SMC4: variants seen among roughly 807,000 people sequenced by gnomAD.
SMC4 encodes the protein structural maintenance of chromosomes protein 4.
In SMC4, 87 loss-of-function variants were observed where a neutral mutation model predicts 145.6. That is an observed-to-expected ratio of 0.60 (90% CI 0.50 to 0.71). The LOEUF is 0.71. SMC4 is among the 30% of genes least tolerant of loss of function. The pLI is 0.00. For missense variants in SMC4, 1,447 were observed against 1,537.1 expected, an observed-to-expected ratio of 0.94 and a Z score of 0.98; for synonymous variants, 558 against 500.7, an observed-to-expected ratio of 1.11 and a Z score of -1.53.
In SMC4 at chr3:160,431,696, G is replaced by A. The variant is rs112161671; in HGVS notation, c.3168G>A (p.Ser1056=). The A allele has an allele frequency of 8.7e-6, 14 of 1,610,912 alleles. No homozygotes were observed. The African/African-American group carries it at 1.1e-4, about 12-fold the overall frequency. Residue 1056 remains serine (S), a synonymous_variant, in exon 21 of 24, where the codon TCG becomes TCA. Transcript: ENST00000357388. ...PIEDNPIEEI[S]VLSPEDLEAI... Reference sequence around the variant, plus strand: ...AAGATAATCCTATTGAAGAGATTTCGGTTCTAAGCCCAGAGGATCTTGAAG... The same window carrying A: ...AAGATAATCCTATTGAAGAGATTTCAGTTCTAAGCCCAGAGGATCTTGAAG...
chr3:160,408,498 T>G (rs1472281638), intron 5 of SMC4, among the ~76,000 whole-genome samples: 1 of 152,240 alleles, frequency 6.6e-6, no homozygotes, highest in Non-Finnish European at 1.5e-5. Flanking sequence ...TGGGAACATA[T>G]GAAACTTTGT....
intron 18 of SMC4, 78 bp downstream of exon 18, chr3:160,429,020 C>A: frequency 1.7e-6 from 2 of 1,194,826 alleles, no homozygotes; most frequent in Non-Finnish European, 2.3e-6. Context: ...ATGTAATGTT[C>A]CATAAAATGT....
intron 4 of SMC4, chr3:160,403,922 C>T (rs1715008108): frequency 6.2e-6 from 1 of 161,176 alleles, no homozygotes; most frequent in African/African-American, 2.4e-5. Flanking sequence ...CACCCGGTTA[C>T]TACCTTCCTT....
At chr3:160,415,166 G>GT (rs1277532926) in intron 9 of SMC4, among the ~76,000 whole-genome samples, 1 of 152,176 alleles carries the variant, frequency 6.6e-6, no homozygotes, top group East Asian at 1.9e-4. Context: ...GATGCCAGGA[G>GT]TTTAAGACCA....
In SMC4 at chr3:160,433,133, CTCCCCTT is replaced by C; in HGVS notation, c.3640_3646del (p.Pro1214ThrfsTer32). The C allele has an allele frequency of 6.2e-7, 1 of 1,613,644 alleles. No individual in the cohort carries two copies. Among genetic ancestry groups the C allele is most frequent in the Non-Finnish European group, 8.5e-7 (1 of 1,179,628 alleles). ...TTTGCTCTTCACCACTACAAGCCCA[CTCCCCTT>C]TACTTCATGGATGAGATTGATGCAG... On this transcript the variant is annotated frameshift_variant, in exon 23 of 24. Transcript: ENST00000357388. LOFTEE classifies it high-confidence loss of function.
intron 23 of SMC4, 33 bp from the exon 24 acceptor site, chr3:160,433,624 C>T: frequency 7.3e-7 from 1 of 1,372,472 alleles, no homozygotes; most frequent in Non-Finnish European, 1.0e-6. Context: ...CCTGTTATTA[C>T]TTAATGTTTG....
intron 9 of SMC4, among the ~76,000 whole-genome samples, chr3:160,414,766 C>T (rs775659605): frequency 1.3e-5 from 2 of 152,018 alleles, no homozygotes; most frequent in Admixed American, 1.3e-4. Context: ...TCCAGGCTAG[C>T]GTGCAGTGGT....
rs182117674 is a variant in SMC4, at chr3:160,402,403, C to T, written c.319-273C>T. On this transcript the variant is annotated intron_variant, in intron 3 of 23. Coordinates refer to ENST00000357388, the MANE Select transcript of SMC4 (RefSeq NM_001002800.3). ...TTGGATAATTTTTTTTTCTTAAAGC[C>T]TTCTATGGAACCCTTAGATAATTTA... Among the ~76,000 whole-genome samples the T allele has an allele frequency of 1.3e-3, 200 of 151,968 alleles. 1 individual carries two copies. The highest frequency in any genetic ancestry group is 4.6e-3 in the African/African-American group (192 of 41,442).
chr3:160,399,844 G>C (rs969770148), intron 1 of SMC4, 95 bp downstream of exon 1: 6 of 152,260 alleles, frequency 3.9e-5, no homozygotes, highest in Admixed American at 3.9e-4. Flanking sequence ...CCCGAGCGGC[G>C]AAGTCCGGGC....
At chr3:160,404,579 C>T (rs768693210) in intron 5 of SMC4, 75 bp downstream of exon 5, 1 of 1,451,394 alleles carries the variant, frequency 6.9e-7, no homozygotes, top group Non-Finnish European at 9.7e-7. Flanking sequence ...TTGGATGAAT[C>T]CTACATTTTT....
intron 13 of SMC4, among the ~76,000 whole-genome samples, chr3:160,421,181 G>A (rs941597980): frequency 5.9e-5 from 9 of 151,694 alleles, no homozygotes; most frequent in Non-Finnish European, 1.3e-4. Flanking sequence ...CGCCCACCTC[G>A]GCCTCCCAGA....
intron 4 of SMC4, 152 bp downstream of exon 4, chr3:160,403,019 G>A: frequency 1.7e-6 from 1 of 576,752 alleles, no homozygotes. Flanking sequence ...TTTTGGGGGA[G>A]TGGTGGTGCC....
At chr3:160,400,530 G>T in intron 1 of SMC4, 1 of 340,776 alleles carries the variant, frequency 2.9e-6, no homozygotes, top group Non-Finnish European at 5.3e-6. Context: ...TACTATGGGC[G>T]GACGGGTGGA....
intron 4 of SMC4, 53 bp from the exon 5 acceptor site, chr3:160,404,275 C>T (rs552538303): frequency 2.1e-5 from 31 of 1,505,354 alleles, no homozygotes; most frequent in Non-Finnish European, 2.6e-5. Flanking sequence ...TTGAAGTAGG[C>T]CTATGACTTA....
chr3:160,423,389 AC>A, intron 13 of SMC4, 35 bp from the exon 14 acceptor site: 1 of 1,120,266 alleles, frequency 8.9e-7, no homozygotes, highest in South Asian at 2.3e-5. Flanking sequence ...TTTTTTGTTA[AC>A]TGTTGTTTTT....
In SMC4 at chr3:160,401,967, C is replaced by T; in HGVS notation, c.192C>T (p.Ser64=). 1 of 1,607,700 alleles carries T rather than the reference C, an allele frequency of 6.2e-7. No homozygotes were observed. The highest frequency in any genetic ancestry group is 1.7e-4 in the Middle Eastern group (1 of 6,034). Residue 64 remains serine (S), a synonymous_variant, in exon 3 of 24, where the codon AGC becomes AGT. Transcript: ENST00000357388. ...DNRSLEEILN[S]IPPPPPPAMT... is the part of the protein sequence containing the mutation. ...GAAGTTTAGAAGAGATTTTGAACAG[C>T]ATTCCTCCTCCCCCGCCTCCAGCAA...
chr3:160,401,018 A>C, intron 2 of SMC4, 53 bp downstream of exon 2: 2 of 1,361,518 alleles, frequency 1.5e-6, no homozygotes, highest in Non-Finnish European at 1.9e-6. Context: ...ACTGGCAGGC[A>C]AACGCGCCCA....
chr3:160,418,598 A>G (rs1716830375), intron 11 of SMC4, among the ~76,000 whole-genome samples: 1 of 152,218 alleles, frequency 6.6e-6, no homozygotes, highest in African/African-American at 2.4e-5. Flanking sequence ...GAATTTCATG[A>G]CCAGGTAGAA....
At position 160,431,091 on chromosome 3, in the gene SMC4, T is replaced by G. The variant is rs745683682; in HGVS notation, c.3000T>G (p.Ile1000Met). ...ATCTGCTTCAAGAATTAAAAGTTAT[T>G]CAAGAAAATGAACATGCTCTTCAAA... The part of the protein sequence containing the change: ...HRNLLQELKV[I>M]QENEHALQKD... The change falls in exon 20 of 24, where the codon ATT becomes ATG. Residue 1000 changes from isoleucine (I) to methionine (M), a missense_variant. Ile to Met is a conservative substitution (Grantham distance 10). Coordinates refer to ENST00000357388, the MANE Select transcript of SMC4 (RefSeq NM_001002800.3). 6 of 1,607,974 alleles carry G rather than the reference T, an allele frequency of 3.7e-6. No individual in the cohort carries two copies. In the South Asian group the frequency reaches 5.6e-5, roughly 15 times the overall value.
Sources: gnomAD v4.1 joint callset for allele counts (sites outside exome capture counted in the v4.1 genomes callset) on GRCh38, gnomAD v4.1.1 for gene constraint, MANE v1.5 for transcripts, NCBI Gene and HGNC (gene_info 2026-07-23, HGNC 2026-07-21) for gene names.